The following FYB2 variants were observed in gnomAD, a reference collection of about 807,000 sequenced individuals.
FYB2 encodes FYN-binding protein 2.
FYB2 carries 103 observed loss-of-function variants against 94.1 expected under a neutral mutation model. The ratio of observed to expected loss-of-function variants is 1.09; its 90% CI spans 0.93 to 1.29. FYB2 has a LOEUF of 1.29. Ranked by LOEUF, FYB2 falls within the 50% of genes most tolerant of loss-of-function variation. The pLI, the probability that FYB2 is intolerant of heterozygous loss-of-function variation, is 0.00. For synonymous variants in FYB2, 293 were observed against 287.9 expected (o/e 1.02, Z -0.18); for missense variants, 896 against 841.5 (o/e 1.06, Z -0.80).
rs1369717840 is a variant in FYB2 at position 56,755,896 on chromosome 1, CT to C, written c.1129del (p.Ser377ValfsTer9). 7 of 1,607,274 alleles carry C rather than the reference CT, an allele frequency of 4.4e-6. No individual in the cohort carries two copies. The highest frequency in any genetic ancestry group is 6.0e-6 in the Non-Finnish European group (7 of 1,174,606). On this transcript the variant is annotated frameshift_variant and splice_region_variant, in exon 7 of 20. Transcript: ENST00000343433. LOFTEE classifies it high-confidence loss of function. ...TTTTCTTTTGAAAGATAAAACTCAC[CT>C]AGGTTCTGGATAGGGAAAATTCTTC... is the stretch of plus-strand genomic sequence containing the variant. The part of the protein sequence containing the change: ...PGKNFPYPEP[S>X]AKHEDKKMKE...
intron 17 of FYB2, among the ~76,000 whole-genome samples, chr1:56,722,177 T>G (rs1644499057): frequency 6.6e-6 from 1 of 152,106 alleles, no homozygotes; most frequent in South Asian, 2.1e-4. Context: ...CAGTAGATAA[T>G]AACATATCAC....
At chr1:56,793,360 G>A (rs559228262) in intron 1 of FYB2, among the ~76,000 whole-genome samples, 85 of 152,268 alleles carry the variant, frequency 5.6e-4, no homozygotes, top group East Asian at 1.5e-3. Context: ...CCATCAGCTT[G>A]TCAACACCTT....
upstream of FYB2, chr1:56,823,641 T>C (rs544025347): frequency 6.6e-6 from 1 of 152,330 alleles, no homozygotes; most frequent in South Asian, 2.1e-4. Context: ...AAGAGCTTTT[T>C]TGAAGGATGC....
At chr1:56,796,827 T>C (rs1303652057) in intron 1 of FYB2, among the ~76,000 whole-genome samples, 1 of 152,218 alleles carries the variant, frequency 6.6e-6, no homozygotes, top group Non-Finnish European at 1.5e-5. Flanking sequence ...TCTTTCTCTC[T>C]AATTTCTTGA....
chr1:56,721,215 T>A (rs1644479051), intron 17 of FYB2, among the ~76,000 whole-genome samples: 1 of 152,094 alleles, frequency 6.6e-6, no homozygotes, highest in Non-Finnish European at 1.5e-5. Context: ...TGAAATCTGT[T>A]GACCACAAAT....
intron 15 of FYB2, among the ~76,000 whole-genome samples, chr1:56,726,837 G>A (rs1464011906): frequency 1.3e-5 from 2 of 152,034 alleles, no homozygotes; most frequent in African/African-American, 4.8e-5. Context: ...TTGGTCCTCA[G>A]GCCATAGTTT....
At chr1:56,790,770 A>T (rs926703395) in intron 2 of FYB2, among the ~76,000 whole-genome samples, 4 of 152,216 alleles carry the variant, frequency 2.6e-5, no homozygotes, top group Non-Finnish European at 2.9e-5. Flanking sequence ...GAAGGAAATA[A>T]GGTAGGATGA....
chr1:56,724,401 A>C (rs557852498), intron 16 of FYB2, among the ~76,000 whole-genome samples: 1 of 152,044 alleles, frequency 6.6e-6, no homozygotes, highest in African/African-American at 2.4e-5. Context: ...TAGCAGTTCA[A>C]TGTATTGACA....
rs1645189530 is a variant in FYB2 at position 56,751,177 on chromosome 1, T to C, written c.1254A>G (p.Glu418=). Reference sequence around the variant, plus strand: ...TGTGGACGTTGGTCATCTGAATTTTTTCAGGTGTCCCTTCACAGGCATCTA... The same window carrying C: ...TGTGGACGTTGGTCATCTGAATTTTCTCAGGTGTCCCTTCACAGGCATCTA... The part of the protein sequence containing the change: ...FKVDACEGTP[E]KIQMTNVHTG... Residue 418 remains glutamate (E), a synonymous_variant, in exon 9 of 20, where the codon GAA becomes GAG. Coordinates refer to ENST00000343433, the MANE Select transcript of FYB2 (RefSeq NM_001004303.5). 1 of 1,612,640 alleles carries C rather than the reference T, an allele frequency of 6.2e-7. No individual in the cohort carries two copies. Among genetic ancestry groups the C allele is most frequent in the Non-Finnish European group, 8.5e-7 (1 of 1,179,142 alleles).
intron 5 of FYB2, among the ~76,000 whole-genome samples, chr1:56,766,384 G>C (rs1645623106): frequency 6.6e-6 from 1 of 152,100 alleles, no homozygotes; most frequent in South Asian, 2.1e-4. Flanking sequence ...AGACTGCCCA[G>C]TCTAAAAGAG....
At chr1:56,755,317 A>G (rs1056050952) in intron 7 of FYB2, among the ~76,000 whole-genome samples, 12 of 152,222 alleles carry the variant, frequency 7.9e-5, no homozygotes, top group South Asian at 4.1e-4. Context: ...TTGTGCAAAC[A>G]TACTGTGCAA....
rs139943629 is a variant in FYB2 at position 56,803,371 on chromosome 1, C to T, written c.10-10568G>A. 3.0e-3 allele frequency among the ~76,000 whole-genome samples: 457 copies of T among 152,186 alleles called. 1 individual carries two copies. The highest frequency in any genetic ancestry group is 0.011 in the African/African-American group (437 of 41,500). On this transcript the variant is annotated intron_variant, in intron 1 of 19. Coordinates refer to ENST00000343433, the MANE Select transcript of FYB2 (RefSeq NM_001004303.5). ...TATTGGATTTTGGAATTGTGGGTAA[C>T]GAGATCATGAACTTTTCCCTAACCA...
chr1:56,778,406 C>T (rs1193070323), intron 4 of FYB2, among the ~76,000 whole-genome samples: 1 of 152,156 alleles, frequency 6.6e-6, no homozygotes, highest in African/African-American at 2.4e-5. Context: ...GTACCCATTG[C>T]CTCATCCAGT....
intron 15 of FYB2, among the ~76,000 whole-genome samples, chr1:56,728,453 A>C (rs956226162): frequency 1.3e-5 from 2 of 152,138 alleles, no homozygotes; most frequent in African/African-American, 4.8e-5. Context: ...TACCTCAAAG[A>C]GTTCCCAGTC....
chr1:56,769,037 A>T (rs990529286), intron 4 of FYB2, among the ~76,000 whole-genome samples: 1 of 151,950 alleles, frequency 6.6e-6, no homozygotes, highest in Admixed American at 6.6e-5. Context: ...TATCATTAGT[A>T]TTATTATTAT....
intron 4 of FYB2, among the ~76,000 whole-genome samples, chr1:56,772,322 G>A (rs899015764): frequency 6.6e-6 from 1 of 152,008 alleles, no homozygotes; most frequent in African/African-American, 2.4e-5. Context: ...TTCCAAAAAG[G>A]CATCTTTAGG....
chr1:56,725,359 T>TA (rs1010877829), intron 16 of FYB2, among the ~76,000 whole-genome samples: 3 of 152,102 alleles, frequency 2.0e-5, no homozygotes, highest in African/African-American at 7.2e-5. Context: ...TTAAAAATGA[T>TA]ACAGAAATTG....
intron 1 of FYB2, among the ~76,000 whole-genome samples, chr1:56,807,746 G>C (rs1458409757): frequency 6.6e-6 from 1 of 152,170 alleles, no homozygotes; most frequent in Non-Finnish European, 1.5e-5. Context: ...ACTGAGGCTT[G>C]GAGAGAAAGT....
intron 1 of FYB2, among the ~76,000 whole-genome samples, chr1:56,801,615 T>A (rs1431252870): frequency 6.6e-6 from 1 of 152,118 alleles, no homozygotes; most frequent in Non-Finnish European, 1.5e-5. Flanking sequence ...CTCCACCACA[T>A]CAATCTCAAG....
Sources: gnomAD v4.1 joint callset for allele counts (sites outside exome capture counted in the v4.1 genomes callset) on GRCh38, gnomAD v4.1.1 for gene constraint, MANE v1.5 for transcripts, NCBI Gene and HGNC (gene_info 2026-07-23, HGNC 2026-07-21) for gene names.